The following SPTBN1 variants were observed in gnomAD, a reference collection of about 807,000 sequenced individuals.
SPTBN1 encodes the protein spectrin beta chain, non-erythrocytic 1.
A neutral mutation model predicts 266.4 loss-of-function variants in SPTBN1; 32 were observed. The observed-to-expected ratio is 0.12, with a 90% confidence interval of 0.09 to 0.16. The LOEUF is 0.16. Ranked by LOEUF, SPTBN1 falls within the 10% of genes least tolerant of loss-of-function variation. The pLI is 1.00. For missense variants in SPTBN1, 2,296 were observed against 3,067.1 expected (o/e 0.75, Z 5.94); for synonymous variants, 1,336 against 1,162.2 (o/e 1.15, Z -3.04).
At position 54,630,021 on chromosome 2, in the gene SPTBN1, C is replaced by G; in HGVS notation, c.2799C>G (p.Leu933=). Reference sequence around the variant, plus strand: ...AAATCAAAGCCCAGCAGGACAAACTCAACACAAGGTGAGCACGTGGCCAGC... The same window carrying G: ...AAATCAAAGCCCAGCAGGACAAACTGAACACAAGGTGAGCACGTGGCCAGC... ...EKEIKAQQDK[L]NTRWSQFREL... The change falls in exon 15 of 36, where the codon CTC becomes CTG. Residue 933 remains leucine (L), a synonymous_variant. Coordinates refer to ENST00000356805, the MANE Select transcript of SPTBN1 (RefSeq NM_003128.3). 6.2e-7 allele frequency: 1 copy of G among 1,613,792 alleles called. No individual in the cohort carries two copies. Among genetic ancestry groups the G allele is most frequent in the Non-Finnish European group, 8.5e-7 (1 of 1,179,876 alleles).
At chr2:54,511,255 C>G (rs17045941) in intron 1 of SPTBN1, among the ~76,000 whole-genome samples, 62,333 of 152,076 alleles carry the variant, frequency 0.41, 13,232 homozygotes, top group Admixed American at 0.49. Flanking sequence ...CTTTAACTGA[C>G]TTTTGTTACC....
rs1671442483 is a variant in SPTBN1, at chr2:54,533,973, A to G, written c.148+7407A>G. 6.6e-6 allele frequency among the ~76,000 whole-genome samples: 1 copy of G among 152,112 alleles called. No individual in the cohort carries two copies. The highest frequency in any genetic ancestry group is 2.4e-5 in the African/African-American group (1 of 41,426). The stretch of plus-strand genomic sequence containing the variant: ...ACACACCCCAGTCATTTTAAGGGGT[A>G]GGGTCTAGTGACCTAAAGAGCACTG... On this transcript the variant is annotated intron_variant, in intron 2 of 35. Coordinates refer to ENST00000356805, the MANE Select transcript of SPTBN1 (RefSeq NM_003128.3). The surrounding 1 kb of genome is among the most constrained non-coding windows in gnomAD (Gnocchi z 4.2).
Position 54,669,339 on chromosome 2 carries a change from G to C in SPTBN1, c.*770G>C, listed in dbSNP as rs1208094028. 1 of 151,728 alleles carries C rather than the reference G, an allele frequency of 6.6e-6. No individual in the cohort carries two copies. The highest frequency in any genetic ancestry group is 1.9e-4 in the East Asian group (1 of 5,172). The allele number at this position is 151,728 out of a possible 1,614,324, so 9.4% of individuals were successfully genotyped here. ...TGTATAATAAACCCTTTAAATCATT[G>C]GTAAGTGTACAAGTGGTGGAACTGA... is the stretch of plus-strand genomic sequence containing the variant. On this transcript the variant is annotated 3_prime_UTR_variant, in exon 36 of 36. Transcript: ENST00000356805.
In SPTBN1 at chr2:54,667,661, GT is replaced by G. The variant is rs1558487692; in HGVS notation, c.6876+17del. The G allele has an allele frequency of 6.2e-7, 1 of 1,612,364 alleles. No individual in the cohort carries two copies. Among genetic ancestry groups the G allele is most frequent in the South Asian group, 1.1e-5 (1 of 91,034 alleles). Reference sequence around the variant, plus strand: ...CCAAAGACGATGTAAGTTTCTAAATGTTATTTCTCTCCACTACTTAGGAGTT... The same window carrying G: ...CCAAAGACGATGTAAGTTTCTAAATGTATTTCTCTCCACTACTTAGGAGTT... On this transcript the variant is annotated intron_variant, in intron 35 of 35. Transcript: ENST00000356805.
chr2:54,590,930 G>C (rs1443732598), intron 2 of SPTBN1, among the ~76,000 whole-genome samples: 2 of 152,206 alleles, frequency 1.3e-5, no homozygotes, highest in African/African-American at 2.4e-5. Context: ...ACATGGCTAT[G>C]GTAGTGATGT....
chr2:54,574,611 A>G (rs1417927939), intron 2 of SPTBN1, among the ~76,000 whole-genome samples: 1 of 152,220 alleles, frequency 6.6e-6, no homozygotes, highest in Non-Finnish European at 1.5e-5. Flanking sequence ...GATAAGCTGC[A>G]GCACTTGAGT....
Position 54,668,591 on chromosome 2 carries a change from CCCTTCTCTTA to C in SPTBN1, c.*27_*36del. 1 of 1,580,992 alleles carries C rather than the reference CCCTTCTCTTA, an allele frequency of 6.3e-7. No homozygotes were observed. Among genetic ancestry groups the C allele is most frequent in the Non-Finnish European group, 8.6e-7 (1 of 1,162,168 alleles). ...ATGAACTCCTTTCCTTCACCTCCTG[CCCTTCTCTTA>C]CCTTTTCAGTGAAATTCCAGCATGC... is the stretch of plus-strand genomic sequence containing the variant. On this transcript the variant is annotated 3_prime_UTR_variant, in exon 36 of 36. Transcript: ENST00000356805.
intron 2 of SPTBN1, among the ~76,000 whole-genome samples, chr2:54,595,911 C>T (rs1266162543): frequency 6.6e-6 from 1 of 152,188 alleles, no homozygotes; most frequent in Non-Finnish European, 1.5e-5. Context: ...TGCCAAACTG[C>T]TAAATGTGCC....
chr2:54,493,119 C>G (rs772403654), intron 1 of SPTBN1, among the ~76,000 whole-genome samples: 1 of 151,276 alleles, frequency 6.6e-6, no homozygotes, highest in Non-Finnish European at 1.5e-5. Flanking sequence ...GATTCTCCCA[C>G]CTCAGCCTGC....
Position 54,644,495 on chromosome 2 carries a change from A to G in SPTBN1, c.4178A>G (p.Asp1393Gly), listed in dbSNP as rs752038045. The change falls in exon 20 of 36, where the codon GAC becomes GGC. Residue 1393 changes from aspartate to glycine, a missense_variant. Physicochemically the swap from Asp to Gly is moderately conservative, Grantham distance 94. Around this residue, in one of 12 missense-constraint regions of SPTBN1, gnomAD observed 386 missense variants for 486.1 expected, o/e 0.79. Coordinates refer to ENST00000356805, the MANE Select transcript of SPTBN1 (RefSeq NM_003128.3). Reference sequence around the variant, plus strand: ...TTCACCCAGAGCTGTGCAGATCTAGACAAATGGCTGCACGGCCTGGAGAGT... The same window carrying G: ...TTCACCCAGAGCTGTGCAGATCTAGGCAAATGGCTGCACGGCCTGGAGAGT... ...ELFTQSCADL[D>G]KWLHGLESQI... 1.9e-6 allele frequency: 3 copies of G among 1,614,240 alleles called. No individual in the cohort carries two copies. Among genetic ancestry groups the G allele is most frequent in the Non-Finnish European group, 1.7e-6 (2 of 1,180,044 alleles).
chr2:54,655,240 T>TG (rs766014479), intron 28 of SPTBN1, 32 bp downstream of exon 28: 38 of 1,607,006 alleles, frequency 2.4e-5, no homozygotes, highest in Middle Eastern at 1.7e-4. Flanking sequence ...GAGCTGCAGC[T>TG]GGCGTCAAGA....
At chr2:54,623,700 C>G (rs969635575) in intron 10 of SPTBN1, 104 bp downstream of exon 10, 1 of 884,782 alleles carries the variant, frequency 1.1e-6, no homozygotes, top group Non-Finnish European at 1.7e-6. Context: ...AAGGGGCTGT[C>G]CCCACCTGCC....
At chr2:54,643,449 T>C (rs1679712210) in intron 19 of SPTBN1, among the ~76,000 whole-genome samples, 1 of 152,218 alleles carries the variant, frequency 6.6e-6, no homozygotes, top group African/African-American at 2.4e-5. Context: ...ACTGTCTTGA[T>C]CATATTATTT....
Position 54,664,760 on chromosome 2 carries a change from T to G in SPTBN1, c.6659+69T>G. ...TGTGAAGGGATAAGGCGGGCCACTC[T>G]TGAATTGGAAGAGAAGTATGTGCTC... On this transcript the variant is annotated intron_variant, in intron 33 of 35. Transcript: ENST00000356805. This position sits in a 1 kb window ranked among gnomAD's most constrained non-coding sequence, Gnocchi z 5.6. 1 of 1,484,052 alleles carries G rather than the reference T, an allele frequency of 6.7e-7. No individual in the cohort carries two copies. The highest frequency in any genetic ancestry group is 9.3e-7 in the Non-Finnish European group (1 of 1,078,780). The allele number at this position is 1,484,052 out of a possible 1,614,324, so 91.9% of individuals were successfully genotyped here. A position where few individuals can be genotyped will look rare whatever the true frequency, so the allele number is the denominator to read the frequency against.
At position 54,668,412 on chromosome 2, in the gene SPTBN1, T is replaced by A; in HGVS notation, c.6938T>A (p.Val2313Glu). 6.2e-7 allele frequency: 1 copy of A among 1,614,150 alleles called. No homozygotes were observed. Among genetic ancestry groups the A allele is most frequent in the Non-Finnish European group, 8.5e-7 (1 of 1,180,026 alleles). ...GCCATCTCCTCTGATAAACACGAGG[T>A]GTCTGCCAGCACCCAGAGCACGCCA... ...SSAISSDKHE[V>E]SASTQSTPAS... The change falls in exon 36 of 36, where the codon GTG becomes GAG. Residue 2313 changes from valine (V) to glutamate (E), a missense_variant. Val to Glu is a moderately radical substitution (Grantham distance 121). Coordinates refer to ENST00000356805, the MANE Select transcript of SPTBN1 (RefSeq NM_003128.3).
chr2:54,539,383 T>G (rs371058353), intron 2 of SPTBN1, among the ~76,000 whole-genome samples: 1 of 152,232 alleles, frequency 6.6e-6, no homozygotes, highest in East Asian at 1.9e-4. Flanking sequence ...TATAAAATCA[T>G]GTATTACATT....
At chr2:54,491,722 C>G (rs1292491538) in intron 1 of SPTBN1, among the ~76,000 whole-genome samples, 1 of 152,094 alleles carries the variant, frequency 6.6e-6, no homozygotes, top group Non-Finnish European at 1.5e-5. Context: ...CTTGGTGTGG[C>G]TGGGACCACA....
intron 1 of SPTBN1, among the ~76,000 whole-genome samples, chr2:54,467,676 C>T (rs1050807705): frequency 2.6e-5 from 4 of 152,094 alleles, no homozygotes; most frequent in Admixed American, 6.5e-5. Flanking sequence ...TGAGCCACCG[C>T]GCCTGGCCAG....
At chr2:54,568,383 C>A in intron 2 of SPTBN1, among the ~76,000 whole-genome samples, 1 of 148,538 alleles carries the variant, frequency 6.7e-6, no homozygotes, top group African/African-American at 2.5e-5. Context: ...GAAGAAGAAG[C>A]ACTGCCTTGG....
Sources: gnomAD v4.1 joint callset for allele counts (sites outside exome capture counted in the v4.1 genomes callset) on GRCh38, gnomAD v4.1.1 for gene constraint, gnomAD v4.1.1 regional missense constraint, Gnocchi (gnomAD v3.1) non-coding constraint, MANE v1.5 for transcripts, NCBI Gene and HGNC (gene_info 2026-07-23, HGNC 2026-07-21) for gene names.